The following DNAJC1 variants were observed in gnomAD, a reference collection of about 807,000 sequenced individuals.
The protein encoded by DNAJC1 is dnaJ homolog subfamily C member 1.
Under a neutral mutation model 76.6 loss-of-function variants are expected in DNAJC1, and 58 were observed. The ratio of observed to expected loss-of-function variants is 0.76; its 90% CI spans 0.61 to 0.94. DNAJC1 has a LOEUF of 0.94. DNAJC1 is among the 40% of genes least tolerant of loss of function. The pLI is 0.00. For missense variants in DNAJC1, 689 were observed against 677.3 expected (o/e 1.02, Z -0.19); for synonymous variants, 258 against 267.9 (o/e 0.96, Z 0.36).
At chr10:21,839,824 T>C (rs1273992863) in intron 8 of DNAJC1, among the ~76,000 whole-genome samples, 2 of 152,302 alleles carry the variant, frequency 1.3e-5, no homozygotes, top group East Asian at 1.9e-4. Context: ...ACCAATATCC[T>C]TGATGAACAT....
At chr10:21,855,301 A>G (rs879518111) in intron 8 of DNAJC1, among the ~76,000 whole-genome samples, 3 of 151,904 alleles carry the variant, frequency 2.0e-5, no homozygotes, top group Non-Finnish European at 4.4e-5. Flanking sequence ...CCATATAATA[A>G]TTCATTCATT....
At chr10:21,925,656 A>G (rs1021706580) in intron 3 of DNAJC1, among the ~76,000 whole-genome samples, 5 of 152,270 alleles carry the variant, frequency 3.3e-5, no homozygotes, top group Admixed American at 2.0e-4. Flanking sequence ...AATCTCAAAA[A>G]CCTTATGTTA....
intron 8 of DNAJC1, among the ~76,000 whole-genome samples, chr10:21,847,184 T>G (rs1355834370): frequency 6.6e-6 from 1 of 152,162 alleles, no homozygotes; most frequent in East Asian, 1.9e-4. Context: ...GTTATAAGCA[T>G]TGTCACTTCC....
chr10:21,892,506 C>T (rs184497706), intron 7 of DNAJC1, among the ~76,000 whole-genome samples: 125 of 151,598 alleles, frequency 8.2e-4, no homozygotes, highest in African/African-American at 2.9e-3. Context: ...CAAACTTAAG[C>T]CCTAACATAT....
chr10:21,818,735 G>GAT (rs1287729668), intron 8 of DNAJC1, among the ~76,000 whole-genome samples: 1 of 152,132 alleles, frequency 6.6e-6, no homozygotes, highest in Non-Finnish European at 1.5e-5. Flanking sequence ...GATAAAGAAA[G>GAT]AAATGAGTAA....
chr10:21,769,274 C>A (rs1404630866), intron 9 of DNAJC1, among the ~76,000 whole-genome samples: 1 of 152,170 alleles, frequency 6.6e-6, no homozygotes, highest in African/African-American at 2.4e-5. Flanking sequence ...AACAATGGAT[C>A]CTCAGATCTG....
chr10:21,990,532 T>C (rs1838311426), intron 1 of DNAJC1, among the ~76,000 whole-genome samples: 2 of 152,174 alleles, frequency 1.3e-5, no homozygotes, highest in Non-Finnish European at 2.9e-5. Context: ...AGAATTATGA[T>C]TTGGGCTTTA....
At chr10:21,804,183 G>A in intron 9 of DNAJC1, among the ~76,000 whole-genome samples, 1 of 151,944 alleles carries the variant, frequency 6.6e-6, no homozygotes, top group Non-Finnish European at 1.5e-5. Context: ...AATTTACCAG[G>A]TTTTAATGAC....
intron 8 of DNAJC1, among the ~76,000 whole-genome samples, chr10:21,809,056 C>T (rs547406567): frequency 6.6e-6 from 1 of 152,012 alleles, no homozygotes; most frequent in Middle Eastern, 3.2e-3. Flanking sequence ...AAATCATGTA[C>T]CTTTGGGATG....
chr10:21,997,835 A>G (rs1042854384), intron 1 of DNAJC1, among the ~76,000 whole-genome samples: 4 of 152,218 alleles, frequency 2.6e-5, no homozygotes, highest in African/African-American at 9.6e-5. Flanking sequence ...TCATTTGAAT[A>G]TAAGGATTTA....
At chr10:21,987,531 A>AC (rs1318188185) in intron 1 of DNAJC1, among the ~76,000 whole-genome samples, 2 of 152,182 alleles carry the variant, frequency 1.3e-5, no homozygotes, top group Non-Finnish European at 2.9e-5. Context: ...GTAGAATTAT[A>AC]CCCACAGCTT....
At chr10:21,795,250 G>T (rs536294480) in intron 9 of DNAJC1, among the ~76,000 whole-genome samples, 2 of 152,056 alleles carry the variant, frequency 1.3e-5, no homozygotes. Context: ...TAAGACAAAT[G>T]ACCAATTAGT....
chr10:21,971,612 T>C (rs1287523958), intron 1 of DNAJC1, among the ~76,000 whole-genome samples: 1 of 151,904 alleles, frequency 6.6e-6, no homozygotes, highest in Non-Finnish European at 1.5e-5. Context: ...AAAAAAATAA[T>C]AATTTGTCAC....
intron 7 of DNAJC1, among the ~76,000 whole-genome samples, chr10:21,901,113 G>T (rs1251951163): frequency 1.3e-5 from 2 of 152,106 alleles, no homozygotes; most frequent in Non-Finnish European, 2.9e-5. Flanking sequence ...ATGCAACAAG[G>T]ACCACAAAAC....
At chr10:21,910,829 AAGGAGAGGAGAGGAGAGGAG>A (rs71393924) in intron 6 of DNAJC1, among the ~76,000 whole-genome samples, 77 of 48,926 alleles carry the variant, frequency 1.6e-3, no homozygotes, top group Middle Eastern at 7.9e-3. Context: ...GAAAGAAAGG[AAGGAGAGGAGAGGAGAGGAG>A]AGGAGAGGAG....
At chr10:21,904,165 C>T (rs78871583) in intron 7 of DNAJC1, among the ~76,000 whole-genome samples, 1,989 of 152,258 alleles carry the variant, frequency 0.013, 53 homozygotes, top group African/African-American at 0.045. Flanking sequence ...CTAACTACAA[C>T]TGTTACACAG....
intron 8 of DNAJC1, among the ~76,000 whole-genome samples, chr10:21,842,095 T>C (rs1168943573): frequency 1.1e-5 from 1 of 88,952 alleles, no homozygotes; most frequent in African/African-American, 4.5e-5. Flanking sequence ...CTGGGACTGT[T>C]GTGGGGTGGG....
Position 21,882,429 on chromosome 10 carries a change from TTTC to T in DNAJC1, c.828_830del (p.Lys277del). ...GAAATTCAGGTTTTGGTTTTTTAAC[TTTC>T]TTCTGTTCTAAAAAATGTTTAAAAG... On this transcript the variant is annotated inframe_deletion, in exon 8 of 12. Transcript: ENST00000376980. 6.7e-7 allele frequency: 1 copy of T among 1,497,180 alleles called. No homozygotes were observed. The highest frequency in any genetic ancestry group is 8.9e-7 in the Non-Finnish European group (1 of 1,124,442). 92.7% of individuals were successfully genotyped at this position (1,497,180 alleles called of 1,614,324 possible).
chr10:21,872,472 G>C (rs556575460), intron 8 of DNAJC1, among the ~76,000 whole-genome samples: 1 of 152,120 alleles, frequency 6.6e-6, no homozygotes, highest in Non-Finnish European at 1.5e-5. Context: ...AATATCAACA[G>C]ATTAAGTTAT....
Sources: gnomAD v4.1 joint callset for allele counts (sites outside exome capture counted in the v4.1 genomes callset) on GRCh38, gnomAD v4.1.1 for gene constraint, MANE v1.5 for transcripts, NCBI Gene and HGNC (gene_info 2026-07-23, HGNC 2026-07-21) for gene names.